Variants in NEDD9 observed in about 807,000 individuals in gnomAD.
NEDD9 encodes the protein neural precursor cell expressed, developmentally down-regulated 9.
A neutral mutation model predicts 76.6 loss-of-function variants in NEDD9; 26 were observed. The observed-to-expected ratio is 0.34, with a 90% CI of 0.25 to 0.47. The LOEUF (loss-of-function observed/expected upper bound fraction) is 0.47, where lower values mean the gene tolerates loss of function less well. Ranked by LOEUF, NEDD9 falls within the 20% of genes least tolerant of loss-of-function variation. NEDD9 has a pLI of 1.00. For missense variants in NEDD9, 937 were observed against 1,058.5 expected (o/e 0.89, Z 1.59); for synonymous variants, 392 against 414.2 (o/e 0.95, Z 0.65).
chr6:11,374,815 G>A (rs977784223), intron 1 of NEDD9, among the ~76,000 whole-genome samples: 2 of 152,228 alleles, frequency 1.3e-5, no homozygotes, highest in Non-Finnish European at 2.9e-5. Context: ...ATCTGGAGGG[G>A]AAGTGACAGT....
intron 2 of NEDD9, among the ~76,000 whole-genome samples, chr6:11,321,857 A>G (rs12110566): frequency 0.14 from 21,242 of 152,212 alleles, 1,626 homozygotes; most frequent in Admixed American, 0.23. Flanking sequence ...AGTATCTGTG[A>G]ACAAAGAAAT....
At chr6:11,309,526 C>T (rs930236445) in intron 2 of NEDD9, among the ~76,000 whole-genome samples, 1 of 152,166 alleles carries the variant, frequency 6.6e-6, no homozygotes, top group African/African-American at 2.4e-5. Flanking sequence ...GGACTACAGG[C>T]TCACAGAACC....
At chr6:11,327,155 C>A (rs1761946289) in intron 2 of NEDD9, among the ~76,000 whole-genome samples, 3 of 152,220 alleles carry the variant, frequency 2.0e-5, no homozygotes, top group South Asian at 2.1e-4. Context: ...AATCATCCAA[C>A]TGTCAGCAAG....
chr6:11,293,264 G>A (rs561445205), intron 3 of NEDD9, among the ~76,000 whole-genome samples: 5 of 151,990 alleles, frequency 3.3e-5, no homozygotes, highest in African/African-American at 1.2e-4. Flanking sequence ...TTTTGCACAG[G>A]AGAAATTGGA....
intron 3 of NEDD9, among the ~76,000 whole-genome samples, chr6:11,269,106 TA>T: frequency 6.6e-6 from 1 of 152,236 alleles, no homozygotes; most frequent in Non-Finnish European, 1.5e-5. Context: ...AAGTACCTGT[TA>T]AAGGTTTTGG....
chr6:11,363,324 A>AT (rs943735487), intron 1 of NEDD9, among the ~76,000 whole-genome samples: 4 of 152,132 alleles, frequency 2.6e-5, no homozygotes, highest in South Asian at 2.1e-4. Flanking sequence ...TCTTTGTCAG[A>AT]TTTTTTTTAA....
At chr6:11,308,538 T>A (rs1211942876) in intron 2 of NEDD9, among the ~76,000 whole-genome samples, 8 of 151,660 alleles carry the variant, frequency 5.3e-5, no homozygotes, top group African/African-American at 1.9e-4. Flanking sequence ...CTGGGCTAAT[T>A]TTTTGTATTT....
chr6:11,334,147 A>C (rs1762101752), intron 2 of NEDD9, among the ~76,000 whole-genome samples: 1 of 152,260 alleles, frequency 6.6e-6, no homozygotes, highest in Admixed American at 6.5e-5. Flanking sequence ...TAATAGGGAA[A>C]TATATAAAGT....
chr6:11,364,347 T>C (rs752573053), intron 1 of NEDD9, among the ~76,000 whole-genome samples: 47 of 152,176 alleles, frequency 3.1e-4, no homozygotes, highest in Non-Finnish European at 5.6e-4. Flanking sequence ...CTGATTCTGA[T>C]TTGTCTTTGA....
chr6:11,310,057 G>A (rs1304477774), intron 2 of NEDD9, among the ~76,000 whole-genome samples: 5 of 152,180 alleles, frequency 3.3e-5, no homozygotes, highest in Non-Finnish European at 7.3e-5. Context: ...TCACAGGGGT[G>A]TGTGTCCCCA....
Position 11,375,814 on chromosome 6 carries a change from C to A in NEDD9, c.-214+6325G>T, listed in dbSNP as rs548143282. ...CCCTGCAGAACCATAAGTCAATCAA[C>A]CCTTTTTTCTTTTTTCTTTCTTTTT... On this transcript the variant is annotated intron_variant, in intron 1 of 3. Coordinates refer to the NEDD9 transcript ENST00000397378. Among the ~76,000 whole-genome samples the A allele has an allele frequency of 2.0e-3, 308 of 151,854 alleles. 1 individual carries two copies. Among genetic ancestry groups the A allele is most frequent in the African/African-American group, 7.0e-3 (291 of 41,412 alleles).
rs556151872 is a variant in NEDD9 at position 11,305,074 on chromosome 6, G to C, written c.12+918C>G. On this transcript the variant is annotated intron_variant, in intron 3 of 3. Transcript: ENST00000397378. ...TTTCTTATTATATTTACCTTGGAAC[G>C]TTTGCCCAGAAAGGAGATTGGGCTG... 3.9e-6 allele frequency: 5 copies of C among 1,284,876 alleles called. No individual in the cohort carries two copies. In the African/African-American group the frequency reaches 7.6e-5, roughly 20 times the overall value. The allele number at this position is 1,284,876 out of a possible 1,614,324, so 79.6% of individuals were successfully genotyped here.
At chr6:11,209,726 A>G (rs1002183990) in intron 2 of NEDD9, among the ~76,000 whole-genome samples, 1 of 152,196 alleles carries the variant, frequency 6.6e-6, no homozygotes. Flanking sequence ...TTACCAAAGG[A>G]TATACAGCTA....
At chr6:11,207,840 T>G (rs1324364829) in intron 2 of NEDD9, among the ~76,000 whole-genome samples, 1 of 152,114 alleles carries the variant, frequency 6.6e-6, no homozygotes, top group African/African-American at 2.4e-5. Context: ...GGAAAGGCAT[T>G]CTAGGTAAAT....
chr6:11,265,874 C>T (rs749652886), intron 3 of NEDD9, among the ~76,000 whole-genome samples: 10 of 152,122 alleles, frequency 6.6e-5, no homozygotes, highest in Non-Finnish European at 1.5e-4. Flanking sequence ...AAAATCATGT[C>T]TTTTGCAGCA....
chr6:11,290,814 A>T (rs1041996194), intron 3 of NEDD9, among the ~76,000 whole-genome samples: 3 of 152,212 alleles, frequency 2.0e-5, no homozygotes, highest in African/African-American at 7.2e-5. Context: ...ATTGAAAGAA[A>T]GGGGCAGCTA....
At chr6:11,237,145 C>T (rs1759620130), upstream of NEDD9, among the ~76,000 whole-genome samples, 1 of 152,192 alleles carries the variant, frequency 6.6e-6, no homozygotes, top group South Asian at 2.1e-4. This position sits in a 1 kb window ranked among gnomAD's most constrained non-coding sequence, Gnocchi z 4.9. Flanking sequence ...ATTCCTCCCT[C>T]CCTTCACTAT....
At chr6:11,187,711 A>G (rs1304979922) in intron 6 of NEDD9, among the ~76,000 whole-genome samples, 1 of 152,218 alleles carries the variant, frequency 6.6e-6, no homozygotes, top group East Asian at 1.9e-4. Flanking sequence ...TGGGTTCTGC[A>G]AAGTTACAGG....
intron 2 of NEDD9, among the ~76,000 whole-genome samples, chr6:11,308,486 C>T (rs1453278064): frequency 6.7e-6 from 1 of 150,224 alleles, no homozygotes; most frequent in Non-Finnish European, 1.5e-5. Context: ...TCTCCTGCCT[C>T]AGCCTCCCGA....
Sources: gnomAD v4.1 joint callset for allele counts (sites outside exome capture counted in the v4.1 genomes callset) on GRCh38, gnomAD v4.1.1 for gene constraint, Gnocchi (gnomAD v3.1) non-coding constraint, MANE v1.5 for transcripts, NCBI Gene and HGNC (gene_info 2026-07-23, HGNC 2026-07-21) for gene names.